The following AMZ2 variants were observed in gnomAD, a reference collection of about 807,000 sequenced individuals.
The protein encoded by AMZ2 is archaelysin family metallopeptidase 2.
In AMZ2, 26 loss-of-function variants were observed where a neutral mutation model predicts 36.7. The observed-to-expected ratio is 0.71, with a 90% CI of 0.52 to 0.98. The LOEUF (loss-of-function observed/expected upper bound fraction) is 0.98. AMZ2 is among the 50% of genes least tolerant of loss of function. The pLI is 0.00. For missense variants in AMZ2, 394 were observed against 430.5 expected, an observed-to-expected ratio of 0.92 and a Z score of 0.75; for synonymous variants, 144 against 149.1, an observed-to-expected ratio of 0.97 and a Z score of 0.25.
intron 1 of AMZ2, among the ~76,000 whole-genome samples, chr17:68,221,035 C>T (rs1357622497): frequency 4.6e-5 from 7 of 151,980 alleles, no homozygotes; most frequent in African/African-American, 1.2e-4. Flanking sequence ...CCACCCGCCT[C>T]GGCCCCGCAA....
chr17:68,242,776 C>A (rs1555734330), intron 1 of AMZ2, among the ~76,000 whole-genome samples: 1 of 151,896 alleles, frequency 6.6e-6, no homozygotes, highest in African/African-American at 2.4e-5. Context: ...TGGCTCATGC[C>A]TATAATCCCA....
chr17:68,241,115 T>C (rs1443359903), intron 1 of AMZ2, among the ~76,000 whole-genome samples: 2 of 151,920 alleles, frequency 1.3e-5, no homozygotes, highest in East Asian at 3.9e-4. Context: ...CCAGTATAGA[T>C]ATGAATGGGG....
At chr17:68,241,223 A>C (rs1468590446) in intron 1 of AMZ2, among the ~76,000 whole-genome samples, 1 of 152,230 alleles carries the variant, frequency 6.6e-6, no homozygotes, top group Non-Finnish European at 1.5e-5. Context: ...AAAATGAGGC[A>C]CATGCATATT....
chr17:68,242,829 A>G (rs1163344440), intron 1 of AMZ2, among the ~76,000 whole-genome samples: 1 of 152,104 alleles, frequency 6.6e-6, no homozygotes, highest in East Asian at 1.9e-4. Context: ...TGAGCCCAGG[A>G]GTTCAAAACC....
intron 1 of AMZ2, among the ~76,000 whole-genome samples, chr17:68,219,550 GAGAT>G (rs2073292129): frequency 2.0e-5 from 3 of 151,032 alleles, no homozygotes; most frequent in South Asian, 2.1e-4. Flanking sequence ...ATTATTTATT[GAGAT>G]AGGGTCTCAC....
intron 1 of AMZ2, chr17:68,249,031 C>T: frequency 8.6e-7 from 1 of 1,166,930 alleles, no homozygotes; most frequent in Non-Finnish European, 1.1e-6. Flanking sequence ...GAACATCGGA[C>T]CCATTCAAGA....
chr17:68,254,004 CA>C (rs1420630965), intron 4 of AMZ2, among the ~76,000 whole-genome samples: 1 of 152,110 alleles, frequency 6.6e-6, no homozygotes, highest in Non-Finnish European at 1.5e-5. Flanking sequence ...CTCGGCCTCC[CA>C]AAGTCCTAGG....
At chr17:68,244,636 G>A (rs1202958005), upstream of AMZ2, among the ~76,000 whole-genome samples, 3 of 152,164 alleles carry the variant, frequency 2.0e-5, no homozygotes, top group African/African-American at 7.2e-5. Flanking sequence ...TTTTCATATA[G>A]AGACAGAGAT....
Position 68,232,159 on chromosome 17 carries a change from C to T in AMZ2, c.-66-16481C>T, listed in dbSNP as rs1261676414. Among the ~76,000 whole-genome samples, 19 of 124,446 alleles carry T rather than the reference C, an allele frequency of 1.5e-4. No homozygotes were observed. In the Admixed American group the frequency reaches 1.5e-3, roughly 10 times the overall value. 81.6% of individuals were successfully genotyped at this position (124,446 alleles called of 152,430 possible). On this transcript the variant is annotated intron_variant, in intron 1 of 7. Transcript: ENST00000674770. ...AAAAAAAAAGGTATATTTACAAAAA[C>T]ACTTCTAACCTCTTGTAAGGTACCT...
chr17:68,253,759 A>ATTTT lies in AMZ2; in HGVS notation c.587-635_587-632dup, dbSNP rs71142159. On this transcript the variant is annotated intron_variant, in intron 4 of 6. Transcript: ENST00000359904. ...ATCATGACTTCCTATTGTTCATGTG[A>ATTTT]TTTTTTTTTTTTTGAGACTGAGTAT... is the stretch of plus-strand genomic sequence containing the variant. 6.8e-5 allele frequency among the ~76,000 whole-genome samples: 10 copies of ATTTT among 146,626 alleles called. 1 individual carries two copies. The highest frequency in any genetic ancestry group is 2.3e-4 in the African/African-American group (9 of 39,550).
intron 1 of AMZ2, among the ~76,000 whole-genome samples, chr17:68,238,553 GAA>G (rs1555733356): frequency 1.3e-5 from 2 of 150,362 alleles, no homozygotes; most frequent in African/African-American, 2.5e-5. Flanking sequence ...TATATAGAGA[GAA>G]AGAGTGCATA....
chr17:68,253,307 A>G (rs1457296482), intron 4 of AMZ2, among the ~76,000 whole-genome samples: 1 of 152,206 alleles, frequency 6.6e-6, no homozygotes, highest in African/African-American at 2.4e-5. Flanking sequence ...TTTGAATCAA[A>G]TTAGATTGGA....
intron 1 of AMZ2, among the ~76,000 whole-genome samples, chr17:68,237,464 G>A (rs1449383669): frequency 6.6e-6 from 1 of 152,170 alleles, no homozygotes; most frequent in Non-Finnish European, 1.5e-5. Context: ...CTCTGACGAC[G>A]CTCTCTTTTC....
In AMZ2 at chr17:68,250,235, C is replaced by T. The variant is rs1555738453; in HGVS notation, c.48C>T (p.Ile16=). 1.9e-6 allele frequency: 3 copies of T among 1,614,190 alleles called. No homozygotes were observed. The highest frequency in any genetic ancestry group is 2.5e-6 in the Non-Finnish European group (3 of 1,180,046). The stretch of plus-strand genomic sequence containing the variant: ...AACAGACACTAAAAACAGCTCTCAT[C>T]TCAAAGAACCCAGTGCTTGTATCAC... ...HSEQTLKTAL[I]SKNPVLVSQY... The change falls in exon 2 of 7, where the codon ATC becomes ATT. Residue 16 remains isoleucine, a synonymous_variant. Transcript: ENST00000359904.
At chr17:68,208,541 G>A (rs1555724972) in intron 1 of AMZ2, among the ~76,000 whole-genome samples, 4 of 152,164 alleles carry the variant, frequency 2.6e-5, no homozygotes, top group African/African-American at 9.7e-5. Context: ...CTGTAAAATG[G>A]ACCAATCAGC....
At chr17:68,251,834 GCA>G (rs781986549) in intron 4 of AMZ2, among the ~76,000 whole-genome samples, 13 of 152,140 alleles carry the variant, frequency 8.5e-5, no homozygotes, top group Non-Finnish European at 1.6e-4. Context: ...TAGTCATCTT[GCA>G]CAGTTAGAAT....
Position 68,242,474 on chromosome 17 carries a change from C to T in AMZ2, c.-66-6166C>T, listed in dbSNP as rs560138065. On this transcript the variant is annotated intron_variant, in intron 1 of 7. Transcript: ENST00000674770. ...TTGACACAGAGCGAGGGCAGTGGCG[C>T]GATCTCGGCTCACTGCAACCTCCAC... is the stretch of plus-strand genomic sequence containing the variant. Among the ~76,000 whole-genome samples the T allele has an allele frequency of 1.1e-4, 16 of 152,160 alleles. 1 individual carries two copies. Among genetic ancestry groups the T allele is most frequent in the African/African-American group, 3.4e-4 (14 of 41,548 alleles).
At chr17:68,214,093 CT>C (rs59760940) in intron 1 of AMZ2, among the ~76,000 whole-genome samples, 48,638 of 142,362 alleles carry the variant, frequency 0.34, 8,361 homozygotes, top group African/African-American at 0.49. Context: ...GCTTCCTATT[CT>C]TTTTTTTTTT....
At chr17:68,209,598 GTGTGTGTATATGTATATATATA>G (rs374578469) in intron 1 of AMZ2, among the ~76,000 whole-genome samples, 43 of 115,848 alleles carry the variant, frequency 3.7e-4, no homozygotes, top group East Asian at 1.2e-3. Context: ...GTGTGTGTGT[GTGTGTGTATATGTATATATATA>G]TATATATATA....
Sources: gnomAD v4.1 joint callset for allele counts (sites outside exome capture counted in the v4.1 genomes callset) on GRCh38, gnomAD v4.1.1 for gene constraint, MANE v1.5 for transcripts, NCBI Gene and HGNC (gene_info 2026-07-23, HGNC 2026-07-21) for gene names.